TYW1: variants seen among roughly 807,000 people sequenced by gnomAD.
The protein encoded by TYW1 is tRNA-yW synthesizing protein 1 homolog.
In TYW1, 46 loss-of-function variants were observed where a neutral mutation model predicts 96.2. The observed-to-expected ratio is 0.48, with a 90% confidence interval of 0.38 to 0.61. TYW1 has a LOEUF of 0.61. Among genes scored for constraint, TYW1 ranks in the 20% least tolerant of loss-of-function variants. The probability of loss-of-function intolerance (pLI) is 0.00; values close to 1 mark genes in which losing one functional copy is unlikely to be tolerated. For missense variants in TYW1, 684 were observed against 909.6 expected, an observed-to-expected ratio of 0.75 and a Z score of 3.19; for synonymous variants, 274 against 323.0, an observed-to-expected ratio of 0.85 and a Z score of 1.63.
intron 3 of TYW1, among the ~76,000 whole-genome samples, chr7:67,009,087 G>T (rs1479581579): frequency 6.6e-6 from 1 of 152,152 alleles, no homozygotes; most frequent in African/African-American, 2.4e-5. Context: ...GTAGCTCACT[G>T]TATCCTCTAA....
At chr7:67,082,495 G>C (rs1796419630) in intron 10 of TYW1, among the ~76,000 whole-genome samples, 1 of 152,194 alleles carries the variant, frequency 6.6e-6, no homozygotes, top group African/African-American at 2.4e-5. Context: ...TGCTGGGCTT[G>C]CTGGTCCTTA....
chr7:67,080,940 G>GTTTTTTTTTTTTTTTTTTTT (rs71049495), intron 10 of TYW1, among the ~76,000 whole-genome samples: 3 of 37,252 alleles, frequency 8.1e-5, no homozygotes, highest in Admixed American at 3.7e-4. Flanking sequence ...CTTTCTTACT[G>GTTTTTTTTTTTTTTTTTTTT]TTTTTTTTTT....
intron 5 of TYW1, among the ~76,000 whole-genome samples, chr7:67,016,915 G>A (rs912195746): frequency 6.6e-6 from 1 of 151,742 alleles, no homozygotes; most frequent in African/African-American, 2.4e-5. Flanking sequence ...GTGAGCCACT[G>A]CATCTGGCCT....
At chr7:67,139,605 C>G (rs193101507) in intron 13 of TYW1, among the ~76,000 whole-genome samples, 185 of 152,254 alleles carry the variant, frequency 1.2e-3, no homozygotes, top group African/African-American at 4.3e-3. Flanking sequence ...TTGGCCTTCT[C>G]TATTCAAGGT....
At chr7:67,160,850 C>A (rs906053355) in intron 13 of TYW1, among the ~76,000 whole-genome samples, 1 of 151,860 alleles carries the variant, frequency 6.6e-6, no homozygotes, top group Non-Finnish European at 1.5e-5. Flanking sequence ...CCTCGGCCTC[C>A]CAGAGTGCTG....
At chr7:67,094,258 G>A (rs1054878307) in intron 11 of TYW1, among the ~76,000 whole-genome samples, 8 of 152,066 alleles carry the variant, frequency 5.3e-5, no homozygotes, top group Non-Finnish European at 1.0e-4. Context: ...TGGACACTTA[G>A]GTCATGGTTT....
At chr7:67,189,317 CTG>C (rs370450399) in intron 14 of TYW1, among the ~76,000 whole-genome samples, 5,824 of 89,134 alleles carry the variant, frequency 0.065, 335 homozygotes, top group African/African-American at 0.23. Flanking sequence ...GTGTGTGCAT[CTG>C]TGTTGTGTGT....
Position 67,083,411 on chromosome 7 carries a change from C to T in TYW1, c.1275-19C>T, listed in dbSNP as rs1796443248. 2 of 1,612,420 alleles carry T rather than the reference C, an allele frequency of 1.2e-6. No homozygotes were observed. Among genetic ancestry groups the T allele is most frequent in the Non-Finnish European group, 1.7e-6 (2 of 1,178,684 alleles). ...CTTATTACAGAAGGGTCTTTTAGAA[C>T]TTTGCATCTTGTTCCTAGGCACCAC... On this transcript the variant is annotated intron_variant, in intron 10 of 15. Transcript: ENST00000359626.
At chr7:67,160,190 A>G (rs1314916865) in intron 13 of TYW1, among the ~76,000 whole-genome samples, 1 of 151,858 alleles carries the variant, frequency 6.6e-6, no homozygotes, top group Non-Finnish European at 1.5e-5. Context: ...TGAGCCCAGG[A>G]GGTTGAGGCT....
chr7:67,198,090 T>C (rs905900653), intron 15 of TYW1, among the ~76,000 whole-genome samples: 1 of 152,104 alleles, frequency 6.6e-6, no homozygotes, highest in African/African-American at 2.4e-5. Context: ...ATATTTTCTC[T>C]TACAACCACA....
At chr7:67,084,216 T>G (rs1961734) in intron 11 of TYW1, among the ~76,000 whole-genome samples, 1 of 151,924 alleles carries the variant, frequency 6.6e-6, no homozygotes, top group Non-Finnish European at 1.5e-5. Context: ...TCTTAAATAA[T>G]GTTAGTTAGT....
At chr7:67,162,156 A>G (rs1357583687) in intron 13 of TYW1, among the ~76,000 whole-genome samples, 1 of 151,986 alleles carries the variant, frequency 6.6e-6, no homozygotes, top group Non-Finnish European at 1.5e-5. Flanking sequence ...AAACAAAAAA[A>G]CAAAAAAATT....
chr7:67,105,484 A>G (rs1321798086), intron 12 of TYW1, among the ~76,000 whole-genome samples: 3 of 152,186 alleles, frequency 2.0e-5, no homozygotes, highest in African/African-American at 7.2e-5. Context: ...TTTTGGAGCC[A>G]ACGCTGAAAA....
chr7:67,209,831 C>G (rs910660467), intron 15 of TYW1, among the ~76,000 whole-genome samples: 1 of 152,118 alleles, frequency 6.6e-6, no homozygotes, highest in African/African-American at 2.4e-5. Flanking sequence ...CTTGGCCTCT[C>G]AAATTGCTGG....
chr7:67,087,036 A>T (rs3015852), intron 11 of TYW1, among the ~76,000 whole-genome samples: 152,274 of 152,278 alleles, frequency 1, 76,135 homozygotes, highest in Non-Finnish European at 1. Flanking sequence ...AGGAATCAGC[A>T]CTGCCTTGAA....
intron 13 of TYW1, among the ~76,000 whole-genome samples, chr7:67,136,824 C>A (rs1299175344): frequency 6.6e-6 from 1 of 151,756 alleles, no homozygotes. Context: ...TTCCTGTTTT[C>A]TTTTTTTTCT....
intron 15 of TYW1, among the ~76,000 whole-genome samples, chr7:67,232,313 G>A (rs903198141): frequency 2.0e-5 from 3 of 151,602 alleles, no homozygotes; most frequent in Admixed American, 2.0e-4. Context: ...TTGGTTATAT[G>A]CTTGTATTTG....
intron 7 of TYW1, among the ~76,000 whole-genome samples, chr7:67,048,964 A>G (rs1795275989): frequency 6.6e-6 from 1 of 152,258 alleles, no homozygotes; most frequent in African/African-American, 2.4e-5. Flanking sequence ...CAGTGAGCCA[A>G]GATCGTGCCA....
intron 7 of TYW1, among the ~76,000 whole-genome samples, chr7:67,038,986 A>G (rs536631877): frequency 1.3e-5 from 2 of 152,352 alleles, no homozygotes; most frequent in East Asian, 3.9e-4. Flanking sequence ...GGGATGCTCA[A>G]CTGTTAAGCA....
Sources: gnomAD v4.1 joint callset for allele counts (sites outside exome capture counted in the v4.1 genomes callset) on GRCh38, gnomAD v4.1.1 for gene constraint, MANE v1.5 for transcripts, NCBI Gene and HGNC (gene_info 2026-07-23, HGNC 2026-07-21) for gene names.